SCG2: variants seen among roughly 807,000 people sequenced by gnomAD.
SCG2 encodes secretogranin-2.
A neutral mutation model predicts 49.5 loss-of-function variants in SCG2; 23 were observed. The observed-to-expected ratio is 0.46, with a 90% confidence interval of 0.33 to 0.66. The LOEUF (loss-of-function observed/expected upper bound fraction) is 0.66. Among genes scored for constraint, SCG2 ranks in the 30% least tolerant of loss-of-function variants. SCG2 has a pLI of 0.01. For synonymous variants in SCG2, 288 were observed against 260.4 expected, an observed-to-expected ratio of 1.11 and a Z score of -1.02; for missense variants, 730 against 728.2, an observed-to-expected ratio of 1.00 and a Z score of -0.03.
In SCG2 at chr2:223,597,676, T is replaced by C; in HGVS notation, c.1607A>G (p.Asp536Gly). 1 of 1,614,144 alleles carries C rather than the reference T, an allele frequency of 6.2e-7. No individual in the cohort carries two copies. The highest frequency in any genetic ancestry group is 1.7e-5 in the Admixed American group (1 of 60,018). The stretch of plus-strand genomic sequence containing the variant: ...CTCAATTTGTTCCTCTTCCTGCAGG[T>C]CATCTTCAGATGAGCCTTGACCAGG... ...RVPGQGSSEDDLQEEEQIEQA... is the reference protein window; with the variant it reads ...RVPGQGSSEDGLQEEEQIEQA... Residue 536 changes from aspartate to glycine, a missense_variant, in exon 2 of 2, where the codon GAC (aspartate) becomes GGC (glycine). Coordinates refer to ENST00000305409, the MANE Select transcript of SCG2 (RefSeq NM_003469.5).
Position 223,602,339 on chromosome 2 carries a change from G to A in SCG2, c.-69C>T, listed in dbSNP as rs1222375870. 2.0e-5 allele frequency: 3 copies of A among 151,796 alleles called. No individual in the cohort carries two copies. The highest frequency in any genetic ancestry group is 4.8e-5 in the African/African-American group (2 of 41,318). 9.4% of individuals were successfully genotyped at this position (151,796 alleles called of 1,614,324 possible). On this transcript the variant is annotated 5_prime_UTR_variant, in exon 1 of 2. Transcript: ENST00000305409. ...CACAGCATATTCCTCCCCGTTCTCC[G>A]GGCGAGCTTCTCGGGCCGTTTCAGC...
chr2:223,600,345 A>T (rs1691371851), intron 1 of SCG2, among the ~76,000 whole-genome samples: 1 of 152,170 alleles, frequency 6.6e-6, no homozygotes, highest in Non-Finnish European at 1.5e-5. Flanking sequence ...TGTAAATCCC[A>T]ATTCAAATAA....
chr2:223,601,667 A>G (rs909070246), intron 1 of SCG2, among the ~76,000 whole-genome samples: 10 of 152,222 alleles, frequency 6.6e-5, no homozygotes, highest in Admixed American at 2.0e-4. Flanking sequence ...GGAAGAATCC[A>G]GTGTTCAGGA....
chr2:223,598,803 C>T lies in SCG2; in HGVS notation c.480G>A (p.Lys160=). The part of the protein sequence containing the change: ...DYETQQWPER[K]LKHMQFPPMY... The stretch of plus-strand genomic sequence containing the variant: ...TAGGAGGGAATTGCATGTGCTTAAG[C>T]TTTCTTTCTGGCCACTGCTGTGTCT... The change falls in exon 2 of 2, where the codon AAG becomes AAA. Residue 160 remains lysine, a synonymous_variant. Transcript: ENST00000305409. 1 of 1,614,098 alleles carries T rather than the reference C, an allele frequency of 6.2e-7. No homozygotes were observed. The highest frequency in any genetic ancestry group is 1.1e-5 in the South Asian group (1 of 91,078).
chr2:223,598,242 A>G lies in SCG2; in HGVS notation c.1041T>C (p.Ser347=). 1.9e-6 allele frequency: 3 copies of G among 1,614,216 alleles called. No individual in the cohort carries two copies. Among genetic ancestry groups the G allele is most frequent in the South Asian group, 2.2e-5 (2 of 91,090 alleles). The part of the protein sequence containing the change: ...RLFEKPLDSQ[S]IYQLIEISRN... ...TTGAGATTTCAATCAGCTGATAAAT[A>G]GACTGAGAATCAAGAGGTTTCTCAA... The change falls in exon 2 of 2, where the codon TCT becomes TCC. Residue 347 remains serine (S), a synonymous_variant. Coordinates refer to ENST00000305409, the MANE Select transcript of SCG2 (RefSeq NM_003469.5).
At chr2:223,600,737 C>T (rs375072694) in intron 1 of SCG2, among the ~76,000 whole-genome samples, 13 of 151,916 alleles carry the variant, frequency 8.6e-5, no homozygotes, top group African/African-American at 1.9e-4. Flanking sequence ...TTTTAGCATA[C>T]GTATATACCT....
chr2:223,600,432 T>A (rs984014830), intron 1 of SCG2, among the ~76,000 whole-genome samples: 3 of 152,150 alleles, frequency 2.0e-5, no homozygotes, highest in Non-Finnish European at 4.4e-5. Flanking sequence ...AAATCTTACA[T>A]AGGAATTAGG....
chr2:223,601,735 A>C (rs1214740190), intron 1 of SCG2, among the ~76,000 whole-genome samples: 1 of 152,236 alleles, frequency 6.6e-6, no homozygotes, highest in Non-Finnish European at 1.5e-5. Context: ...AAGCTCTTTC[A>C]AATATACAAG....
In SCG2 at chr2:223,597,309, G is replaced by T; in HGVS notation, c.*120C>A. Reference sequence around the variant, plus strand: ...ACTCCCCAGTGACCTGGTTTCATCTGCCTGTACATCATTTAAAGATATTAC... The same window carrying T: ...ACTCCCCAGTGACCTGGTTTCATCTTCCTGTACATCATTTAAAGATATTAC... On this transcript the variant is annotated 3_prime_UTR_variant, in exon 2 of 2. Coordinates refer to ENST00000305409, the MANE Select transcript of SCG2 (RefSeq NM_003469.5). 7.7e-7 allele frequency: 1 copy of T among 1,300,860 alleles called. No homozygotes were observed. The highest frequency in any genetic ancestry group is 1.0e-6 in the Non-Finnish European group (1 of 956,304). 80.6% of individuals were successfully genotyped at this position (1,300,860 alleles called of 1,614,324 possible).
chr2:223,598,443 A>T lies in SCG2; in HGVS notation c.840T>A (p.Asp280Glu), dbSNP rs781023192. 1 of 1,613,940 alleles carries T rather than the reference A, an allele frequency of 6.2e-7. No individual in the cohort carries two copies. The highest frequency in any genetic ancestry group is 2.2e-5 in the East Asian group (1 of 44,866). ...ENIEKNEQIN[D>E]EMKRSGQLGI... The stretch of plus-strand genomic sequence containing the variant: ...CAAGCTGCCCTGAGCGTTTCATCTC[A>T]TCGTTGATTTGTTCATTTTTTTCTA... The change falls in exon 2 of 2, where the codon GAT (aspartate) becomes GAA (glutamate). Residue 280 changes from aspartate to glutamate, a missense_variant. Transcript: ENST00000305409.
At chr2:223,600,257 G>A (rs554717578) in intron 1 of SCG2, among the ~76,000 whole-genome samples, 42 of 152,226 alleles carry the variant, frequency 2.8e-4, no homozygotes, top group South Asian at 6.2e-4. Context: ...TTTGTCTTCT[G>A]TCTGTGTCTA....
chr2:223,601,197 C>T (rs1691383964), intron 1 of SCG2, among the ~76,000 whole-genome samples: 1 of 152,118 alleles, frequency 6.6e-6, no homozygotes, highest in African/African-American at 2.4e-5. Context: ...ATAGTTATTG[C>T]CTTTGAGTGA....
Position 223,598,658 on chromosome 2 carries a change from T to C in SCG2, c.625A>G (p.Thr209Ala), listed in dbSNP as rs1374758244. ...TCACGTTTCTGGTTGTTTGGTCCTG[T>C]CAGTTTCCCCAGCTCTTGGAAGACA... is the stretch of plus-strand genomic sequence containing the variant. ...ESVFQELGKL[T>A]GPNNQKRERM... is the part of the protein sequence containing the mutation. The change falls in exon 2 of 2, where the codon ACA (threonine) becomes GCA (alanine). Residue 209 changes from threonine to alanine, a missense_variant. Coordinates refer to ENST00000305409, the MANE Select transcript of SCG2 (RefSeq NM_003469.5). 1.2e-6 allele frequency: 2 copies of C among 1,614,100 alleles called. No individual in the cohort carries two copies. The highest frequency in any genetic ancestry group is 1.7e-6 in the Non-Finnish European group (2 of 1,180,034).
rs761702774 is a variant in SCG2 at position 223,597,928 on chromosome 2, T to A, written c.1355A>T (p.Tyr452Phe). 1 of 1,613,952 alleles carries A rather than the reference T, an allele frequency of 6.2e-7. No individual in the cohort carries two copies. The highest frequency in any genetic ancestry group is 8.5e-7 in the Non-Finnish European group (1 of 1,180,016). The change falls in exon 2 of 2, where the codon TAT becomes TTT. Residue 452 changes from tyrosine to phenylalanine, a missense_variant. Coordinates refer to ENST00000305409, the MANE Select transcript of SCG2 (RefSeq NM_003469.5). ...MESAANQKTS[Y>F]FPNPYNQEKV... Reference sequence around the variant, plus strand: ...CTCCTGGTTATATGGATTGGGAAAATACGACGTTTTCTGATTTGCTGCACT... The same window carrying A: ...CTCCTGGTTATATGGATTGGGAAAAAACGACGTTTTCTGATTTGCTGCACT...
Position 223,598,898 on chromosome 2 carries a change from G to A in SCG2, c.385C>T (p.Pro129Ser). 1 of 1,614,058 alleles carries A rather than the reference G, an allele frequency of 6.2e-7. No homozygotes were observed. Among genetic ancestry groups the A allele is most frequent in the African/African-American group, 1.3e-5 (1 of 74,998 alleles). Residue 129 changes from proline to serine, a missense_variant, in exon 2 of 2, where the codon CCA becomes TCA. Transcript: ENST00000305409. ...AAGGCATAGGGCTTATTTTCTTTTG[G>A]TGCAGACTGAGGCTCATTTTCAGCC... ...RQAENEPQSA[P>S]KENKPYALNS...
rs773119201 is a variant in SCG2, at chr2:223,597,469, C to T, written c.1814G>A (p.Gly605Glu). Reference sequence around the variant, plus strand: ...TGCTCTCTTAGCAATATGCTCCCTTCCCTTTTCTGCCTTTTCTTGGTTGAG... The same window carrying T: ...TGCTCTCTTAGCAATATGCTCCCTTTCCTTTTCTGCCTTTTCTTGGTTGAG... ...EYLNQEKAEKGREHIAKRAME... is the reference protein window; with the variant it reads ...EYLNQEKAEKEREHIAKRAME... The change falls in exon 2 of 2, where the codon GGA becomes GAA. Residue 605 changes from glycine to glutamate, a missense_variant. By Grantham distance (98) the Gly-to-Glu change is moderately conservative. Transcript: ENST00000305409. 3.7e-6 allele frequency: 6 copies of T among 1,612,480 alleles called. No individual in the cohort carries two copies. The African/African-American group carries it at 5.3e-5, about 14-fold the overall frequency.
chr2:223,601,959 A>G (rs1421575373), intron 1 of SCG2, among the ~76,000 whole-genome samples: 1 of 152,216 alleles, frequency 6.6e-6, no homozygotes, highest in East Asian at 1.9e-4. Flanking sequence ...TAAATTTTGG[A>G]AAGAAACAAG....
In SCG2 at chr2:223,597,011, T is replaced by A. The variant is rs971598444; in HGVS notation, c.*418A>T. ...AAAAGGCCTTATAAATAAAACTATATATTTATAATGCTTTATTTTTTTGGT... is the reference window on the plus strand; with the variant it reads ...AAAAGGCCTTATAAATAAAACTATAAATTTATAATGCTTTATTTTTTTGGT... On this transcript the variant is annotated 3_prime_UTR_variant, in exon 2 of 2. Transcript: ENST00000305409. The A allele has an allele frequency of 3.9e-5, 6 of 153,570 alleles. No individual in the cohort carries two copies. The highest frequency in any genetic ancestry group is 1.4e-4 in the African/African-American group (6 of 41,492). 9.5% of individuals were successfully genotyped at this position (153,570 alleles called of 1,614,324 possible).
chr2:223,601,859 C>A (rs1173553621), intron 1 of SCG2, among the ~76,000 whole-genome samples: 1 of 152,088 alleles, frequency 6.6e-6, no homozygotes, highest in Non-Finnish European at 1.5e-5. Context: ...TGCTTGACAG[C>A]CTTTGTATCA....
Sources: allele counts gnomAD v4.1 joint callset (sites outside exome capture counted in the v4.1 genomes callset), GRCh38; gene constraint gnomAD v4.1.1; transcripts MANE v1.5; gene names NCBI Gene and HGNC (gene_info 2026-07-23, HGNC 2026-07-21).